FUT8: variants seen among roughly 807,000 people sequenced by gnomAD.
FUT8 encodes the protein alpha-(1,6)-fucosyltransferase.
A neutral mutation model predicts 71.3 loss-of-function variants in FUT8; 29 were observed. That is an observed-to-expected ratio of 0.41 (90% CI 0.30 to 0.55). The LOEUF is 0.55. Ranked by LOEUF, FUT8 falls within the 20% of genes least tolerant of loss-of-function variation. The pLI is 0.34. For synonymous variants in FUT8, 254 were observed against 239.3 expected, an observed-to-expected ratio of 1.06 and a Z score of -0.57; for missense variants, 544 against 702.1, an observed-to-expected ratio of 0.77 and a Z score of 2.55.
intron 7 of FUT8, among the ~76,000 whole-genome samples, chr14:65,685,486 G>A (rs1893240131): frequency 1.3e-5 from 2 of 152,162 alleles, no homozygotes; most frequent in South Asian, 4.1e-4. Context: ...TCCCAATCCA[G>A]ACCCCAAGAG....
chr14:65,424,511 C>G (rs969342902), intron 1 of FUT8, among the ~76,000 whole-genome samples: 1 of 149,484 alleles, frequency 6.7e-6, no homozygotes, highest in African/African-American at 2.5e-5. Context: ...CATGACATAC[C>G]TCTTACTTTC....
chr14:65,434,051 C>T (rs1306979843), intron 1 of FUT8, among the ~76,000 whole-genome samples: 1 of 152,170 alleles, frequency 6.6e-6, no homozygotes, highest in Non-Finnish European at 1.5e-5. Context: ...CTGAAAATAA[C>T]TGAAGGCCAC....
the FUT8 span, among the ~76,000 whole-genome samples, chr14:65,392,350 T>G: frequency 1.3e-5 from 2 of 152,232 alleles, no homozygotes; most frequent in African/African-American, 4.8e-5. Context: ...CCCAGCTAAG[T>G]ATTCCCTGGA....
intron 7 of FUT8, among the ~76,000 whole-genome samples, chr14:65,684,115 A>T (rs912707046): frequency 3.3e-5 from 5 of 151,772 alleles, no homozygotes; most frequent in South Asian, 2.1e-4. Context: ...TTATATTAAA[A>T]ATATATATAT....
At chr14:65,741,998 T>A in intron 10 of FUT8, 95 bp from the exon 11 acceptor site, 1 of 952,138 alleles carries the variant, frequency 1.1e-6, no homozygotes. Context: ...TTCAACCTCT[T>A]ACTCCTAGAG....
At chr14:65,545,275 C>T (rs887532799) in intron 2 of FUT8, among the ~76,000 whole-genome samples, 6 of 151,722 alleles carry the variant, frequency 4.0e-5, no homozygotes, top group Non-Finnish European at 5.9e-5. Flanking sequence ...AAATGAATTG[C>T]GATCAAAGGA....
At chr14:65,479,488 G>C (rs2066296338) in intron 2 of FUT8, among the ~76,000 whole-genome samples, 1 of 152,058 alleles carries the variant, frequency 6.6e-6, no homozygotes, top group Non-Finnish European at 1.5e-5. Flanking sequence ...GGATCTCTTT[G>C]ATTATGAGTG....
At chr14:65,474,456 A>AAAAAAAAAAAAAAAAAAAAAAAAC (rs1169769207) in intron 2 of FUT8, among the ~76,000 whole-genome samples, 2 of 147,794 alleles carry the variant, frequency 1.4e-5, no homozygotes, top group Non-Finnish European at 3.0e-5. Context: ...AAAAAAAAAA[A>AAAAAAAAAAAAAAAAAAAAAAAAC]AGCCAGGCGT....
chr14:65,451,986 G>C (rs1373637311), intron 1 of FUT8, among the ~76,000 whole-genome samples: 1 of 152,136 alleles, frequency 6.6e-6, no homozygotes, highest in East Asian at 1.9e-4. Context: ...TTGGCTTGAG[G>C]GTGAGGTTAT....
chr14:65,383,610 A>T, the FUT8 span, among the ~76,000 whole-genome samples: 19 of 152,302 alleles, frequency 1.2e-4, no homozygotes, highest in African/African-American at 4.1e-4. Flanking sequence ...TACAGATTCC[A>T]TAGTAAGGCC....
At chr14:65,439,989 T>C (rs1398795659) in intron 1 of FUT8, among the ~76,000 whole-genome samples, 24 of 138,544 alleles carry the variant, frequency 1.7e-4, no homozygotes, top group African/African-American at 6.0e-4. Context: ...TATATATATA[T>C]ATGTACACAC....
chr14:65,416,368 G>A (rs1361882165), intron 1 of FUT8, among the ~76,000 whole-genome samples: 2 of 150,664 alleles, frequency 1.3e-5, no homozygotes, highest in Middle Eastern at 3.2e-3. Context: ...GTCCAGGTTG[G>A]CCTTGAACTC....
At chr14:65,500,421 T>G (rs1256778674) in intron 2 of FUT8, among the ~76,000 whole-genome samples, 1 of 152,178 alleles carries the variant, frequency 6.6e-6, no homozygotes, top group Non-Finnish European at 1.5e-5. Context: ...GAAACTAGCA[T>G]TAAGAGCCAC....
intron 2 of FUT8, among the ~76,000 whole-genome samples, chr14:65,494,053 G>T (rs759636114): frequency 4.6e-5 from 7 of 152,068 alleles, no homozygotes; most frequent in Non-Finnish European, 1.0e-4. Context: ...ATGCAAGTTT[G>T]ATCTTTGTAT....
At chr14:65,664,462 C>T (rs1008808741) in intron 6 of FUT8, among the ~76,000 whole-genome samples, 2 of 152,056 alleles carry the variant, frequency 1.3e-5, no homozygotes, top group African/African-American at 4.8e-5. Context: ...ATTGTGGAAA[C>T]AATATTGACC....
At chr14:65,727,887 C>G (rs1472565190) in intron 9 of FUT8, among the ~76,000 whole-genome samples, 1 of 152,188 alleles carries the variant, frequency 6.6e-6, no homozygotes, top group East Asian at 1.9e-4. Context: ...GAAATTTCTT[C>G]CGCCAGATAC....
intron 2 of FUT8, among the ~76,000 whole-genome samples, chr14:65,534,396 A>G (rs1489464785): frequency 4.0e-5 from 6 of 151,842 alleles, no homozygotes. Context: ...TCCAAGTTTT[A>G]GTATCATCAT....
In FUT8 at chr14:65,539,050, T is replaced by C. The variant is rs552265046; in HGVS notation, c.-227-22287T>C. ...CCGATATAAAATGAAGACATTTAAT[T>C]ATTCAAGATCTTTTAGATATTAGTT... On this transcript the variant is annotated intron_variant, in intron 2 of 10. Coordinates refer to ENST00000673929, the MANE Select transcript of FUT8 (RefSeq NM_001371533.1). Among the ~76,000 whole-genome samples the C allele has an allele frequency of 1.4e-3, 220 of 152,352 alleles. 1 individual carries two copies. The highest frequency in any genetic ancestry group is 2.5e-3 in the Non-Finnish European group (168 of 68,038).
At chr14:65,695,403 T>C (rs1893941447) in intron 7 of FUT8, among the ~76,000 whole-genome samples, 1 of 152,214 alleles carries the variant, frequency 6.6e-6, no homozygotes. Flanking sequence ...CCTCTGTCAT[T>C]ATATAATGCT....
Sources: gnomAD v4.1 joint callset for allele counts (sites outside exome capture counted in the v4.1 genomes callset) on GRCh38, gnomAD v4.1.1 for gene constraint, MANE v1.5 for transcripts, NCBI Gene and HGNC (gene_info 2026-07-23, HGNC 2026-07-21) for gene names.